RACGAP1: variants seen among roughly 807,000 people sequenced by gnomAD.
RACGAP1 encodes rac GTPase-activating protein 1.
In RACGAP1, 30 loss-of-function variants were observed where a neutral mutation model predicts 78.1. The observed-to-expected ratio is 0.38, with a 90% CI of 0.29 to 0.52. The LOEUF (loss-of-function observed/expected upper bound fraction) is 0.52. Among genes scored for constraint, RACGAP1 ranks in the 20% least tolerant of loss-of-function variants. The pLI, the probability that RACGAP1 is intolerant of heterozygous loss-of-function variation, is 0.82. For synonymous variants in RACGAP1, 231 were observed against 264.8 expected (o/e 0.87, Z 1.24); for missense variants, 587 against 777.1 (o/e 0.76, Z 2.91).
intron 15 of RACGAP1, among the ~76,000 whole-genome samples, chr12:49,991,507 T>TTA (rs1386437207): frequency 5.2e-5 from 6 of 114,834 alleles, no homozygotes; most frequent in Admixed American, 1.8e-4. Context: ...TTTTTTTTTT[T>TTA]AGACAGAGTC....
In RACGAP1 at chr12:50,009,189, G is replaced by A. The variant is rs374979829; in HGVS notation, c.86-2553C>T. Reference sequence around the variant, plus strand: ...CTCGAGGAGGCAGAAGTCGCAGTGAGCTGAGATCGTGCCACTGCACTCCAG... The same window carrying A: ...CTCGAGGAGGCAGAAGTCGCAGTGAACTGAGATCGTGCCACTGCACTCCAG... On this transcript the variant is annotated intron_variant, in intron 2 of 16. Coordinates refer to ENST00000312377, the MANE Select transcript of RACGAP1 (RefSeq NM_001319999.2). 3.6e-4 allele frequency among the ~76,000 whole-genome samples: 53 copies of A among 147,914 alleles called. No individual in the cohort carries two copies. The South Asian group carries it at 0.01, about 29-fold the overall frequency.
At chr12:50,012,319 G>T (rs1949391375) in intron 2 of RACGAP1, among the ~76,000 whole-genome samples, 1 of 152,090 alleles carries the variant, frequency 6.6e-6, no homozygotes, top group South Asian at 2.1e-4. Context: ...CCAGCACTTT[G>T]GGAGGCTGAG....
intron 2 of RACGAP1, among the ~76,000 whole-genome samples, chr12:50,014,888 C>T (rs943740622): frequency 9.9e-5 from 15 of 151,264 alleles, no homozygotes; most frequent in African/African-American, 3.4e-4. Context: ...ACTAAAAATA[C>T]AAAAATTAGC....
chr12:50,011,443 T>C (rs1157673656), intron 2 of RACGAP1, among the ~76,000 whole-genome samples: 1 of 151,778 alleles, frequency 6.6e-6, no homozygotes, highest in Non-Finnish European at 1.5e-5. Context: ...AAGCCAACAT[T>C]TGCCCAGGTG....
chr12:49,999,613 G>T lies in RACGAP1; in HGVS notation c.748+3C>A. 4 of 1,610,382 alleles carry T rather than the reference G, an allele frequency of 2.5e-6. No homozygotes were observed. The highest frequency in any genetic ancestry group is 3.4e-6 in the Non-Finnish European group (4 of 1,176,724). On this transcript the variant is annotated splice_donor_region_variant and intron_variant, in intron 8 of 16. Coordinates refer to ENST00000312377, the MANE Select transcript of RACGAP1 (RefSeq NM_001319999.2). ...GGCCAGTTTAGTCACAAATTCAATG[G>T]ACCTGTTTTCCTTCGGCTCCTGGTC... is the stretch of plus-strand genomic sequence containing the variant.
intron 2 of RACGAP1, among the ~76,000 whole-genome samples, chr12:50,013,981 G>C (rs1344476135): frequency 2.6e-5 from 4 of 152,190 alleles, no homozygotes; most frequent in Non-Finnish European, 5.9e-5. Context: ...ATGCCATTGT[G>C]GTTACTGAGC....
At chr12:50,010,377 G>A (rs1384336136) in intron 2 of RACGAP1, among the ~76,000 whole-genome samples, 2 of 149,064 alleles carry the variant, frequency 1.3e-5, no homozygotes, top group African/African-American at 5.0e-5. Context: ...AGGCTGTAGT[G>A]CAATGACATG....
At chr12:50,007,350 G>C (rs1288501704) in intron 2 of RACGAP1, among the ~76,000 whole-genome samples, 1 of 151,998 alleles carries the variant, frequency 6.6e-6, no homozygotes, top group Non-Finnish European at 1.5e-5. Context: ...TCACTTCCAA[G>C]GCAGCATCTC....
At chr12:50,005,155 G>A in intron 4 of RACGAP1, 101 bp downstream of exon 4, 2 of 1,533,786 alleles carry the variant, frequency 1.3e-6, no homozygotes, top group South Asian at 1.2e-5. Flanking sequence ...GCTTTTTTCA[G>A]CACACATTCT....
intron 2 of RACGAP1, among the ~76,000 whole-genome samples, chr12:50,030,761 A>G (rs532748732): frequency 6.6e-6 from 1 of 151,434 alleles, no homozygotes; most frequent in South Asian, 2.1e-4. Flanking sequence ...CATGATAAAT[A>G]TGTTCAATTT....
chr12:49,991,853 C>CA lies in RACGAP1; in HGVS notation c.1714+144dup, dbSNP rs375021287. On this transcript the variant is annotated intron_variant, in intron 15 of 16. Coordinates refer to ENST00000312377, the MANE Select transcript of RACGAP1 (RefSeq NM_001319999.2). ...ATAAAGAAAGGAGAACATGGAAAAG[C>CA]AAAAAAAAATTACGATGGTAGAATT... 2.0e-4 allele frequency: 279 copies of CA among 1,423,976 alleles called. 1 individual carries two copies. The East Asian group carries it at 3.1e-3, about 16-fold the overall frequency. 88.2% of individuals were successfully genotyped at this position (1,423,976 alleles called of 1,614,324 possible). A position where few individuals can be genotyped will look rare whatever the true frequency, so the allele number is the denominator to read the frequency against.
chr12:49,996,690 GGAAGTTAAGT>G (rs1175420066), intron 10 of RACGAP1, among the ~76,000 whole-genome samples: 1 of 127,864 alleles, frequency 7.8e-6, no homozygotes, highest in African/African-American at 2.9e-5. Flanking sequence ...TAGTAATCAT[GGAAGTTAAGT>G]GATAAGAACC....
intron 1 of RACGAP1, among the ~76,000 whole-genome samples, chr12:50,020,246 C>T (rs1407888826): frequency 4.3e-5 from 4 of 92,644 alleles, no homozygotes; most frequent in African/African-American, 7.8e-5. Context: ...AGCACCATCT[C>T]GGTTCACCGC....
Position 49,991,340 on chromosome 12 carries a change from T to C in RACGAP1, c.1715-548A>G, listed in dbSNP as rs1175883329. Among the ~76,000 whole-genome samples the C allele has an allele frequency of 2.7e-5, 4 of 150,122 alleles. No individual in the cohort carries two copies. The East Asian group carries it at 5.8e-4, about 22-fold the overall frequency. ...TAGCATTACTTGTAATTATGAAAAA[T>C]TGAAAAATAATGTTAATACCTACTA... On this transcript the variant is annotated intron_variant, in intron 15 of 16. Transcript: ENST00000312377.
intron 15 of RACGAP1, 127 bp downstream of exon 15, chr12:49,991,871 G>T (rs1947905790): frequency 6.5e-7 from 1 of 1,529,858 alleles, no homozygotes; most frequent in African/African-American, 1.4e-5. Flanking sequence ...AATTACGATG[G>T]TAGAATTATA....
In RACGAP1 at chr12:49,999,603, A is replaced by T; in HGVS notation, c.748+13T>A. On this transcript the variant is annotated intron_variant, in intron 8 of 16. Coordinates refer to ENST00000312377, the MANE Select transcript of RACGAP1 (RefSeq NM_001319999.2). ...GTTTTACACAGGCCAGTTTAGTCAC[A>T]AATTCAATGGACCTGTTTTCCTTCG... 6.2e-7 allele frequency: 1 copy of T among 1,607,568 alleles called. No individual in the cohort carries two copies. Among genetic ancestry groups the T allele is most frequent in the Non-Finnish European group, 8.5e-7 (1 of 1,174,200 alleles).
At chr12:49,999,425 T>A in intron 8 of RACGAP1, 154 bp from the exon 9 acceptor site, 1 of 1,119,232 alleles carries the variant, frequency 8.9e-7, no homozygotes, top group African/African-American at 1.6e-5. Context: ...CAAGAAAAAC[T>A]AAAGTTATGC....
chr12:49,995,114 C>T (rs951868431), intron 10 of RACGAP1, among the ~76,000 whole-genome samples: 2 of 152,034 alleles, frequency 1.3e-5, no homozygotes, highest in Non-Finnish European at 2.9e-5. Context: ...TGTAGGAGGC[C>T]GAGGTGGGCG....
At chr12:49,995,820 T>C (rs1385717567) in intron 10 of RACGAP1, among the ~76,000 whole-genome samples, 1 of 152,178 alleles carries the variant, frequency 6.6e-6, no homozygotes, top group Admixed American at 6.5e-5. Flanking sequence ...ATGGATTTAA[T>C]CAGTTTGGAT....
Sources: gnomAD v4.1 joint callset for allele counts (sites outside exome capture counted in the v4.1 genomes callset) on GRCh38, gnomAD v4.1.1 for gene constraint, MANE v1.5 for transcripts, NCBI Gene and HGNC (gene_info 2026-07-23, HGNC 2026-07-21) for gene names.